Variants in DCDC1 observed in about 807,000 individuals in gnomAD.
DCDC1 encodes doublecortin domain-containing protein 1.
A neutral mutation model predicts 178.3 loss-of-function variants in DCDC1; 200 were observed. The observed-to-expected ratio is 1.12, with a 90% CI of 1.00 to 1.26. The LOEUF is 1.26. Among genes scored for constraint, DCDC1 ranks in the 50% most tolerant of loss-of-function variants. The pLI, the probability that DCDC1 is intolerant of heterozygous loss-of-function variation, is 0.00. For missense variants in DCDC1, 1,983 were observed against 1,749.2 expected (o/e 1.13, Z -2.38); for synonymous variants, 690 against 604.8 (o/e 1.14, Z -2.07).
intron 21 of DCDC1, among the ~76,000 whole-genome samples, chr11:30,937,331 T>C (rs1229286842): frequency 6.6e-6 from 1 of 152,096 alleles, no homozygotes; most frequent in Non-Finnish European, 1.5e-5. Context: ...TTTTTCTCCC[T>C]CAGGTCCCAC....
intron 13 of DCDC1, among the ~76,000 whole-genome samples, chr11:31,104,430 C>A (rs1005509626): frequency 1.3e-5 from 2 of 152,000 alleles, no homozygotes; most frequent in African/African-American, 4.8e-5. Flanking sequence ...AACACTCAGA[C>A]AAACCCAGAA....
intron 17 of DCDC1, among the ~76,000 whole-genome samples, chr11:31,088,190 T>G (rs1478141568): frequency 6.6e-6 from 1 of 152,062 alleles, no homozygotes; most frequent in Non-Finnish European, 1.5e-5. Flanking sequence ...ACTTTCAACA[T>G]ATTTGTTTCT....
chr11:31,307,754 T>C lies in DCDC1; in HGVS notation c.319A>G (p.Ser107Gly), dbSNP rs757722130. The C allele has an allele frequency of 1.2e-6, 2 of 1,614,014 alleles. No individual in the cohort carries two copies. The highest frequency in any genetic ancestry group is 1.7e-6 in the Non-Finnish European group (2 of 1,180,002). The change falls in exon 4 of 39, where the codon AGC becomes GGC. Residue 107 changes from serine (S) to glycine (G), a missense_variant. Ser to Gly is a moderately conservative substitution (Grantham distance 56). Coordinates refer to ENST00000684477, the MANE Select transcript of DCDC1 (RefSeq NM_001387274.1). ...TCTAGGTCTGATATTTCATCATGGC[T>C]GTGATCTGATGCTGTTTGATGTGTG... ...CSTHQTASDH[S>G]HDEISDLDSY...
At chr11:31,150,442 A>G (rs1965040025) in intron 9 of DCDC1, among the ~76,000 whole-genome samples, 1 of 152,202 alleles carries the variant, frequency 6.6e-6, no homozygotes, top group African/African-American at 2.4e-5. Context: ...TTAAATATGG[A>G]TCAGTATATA....
rs202173403 is a variant in DCDC1 at position 31,273,951 on chromosome 11, GACTA to G, written c.961-8355_961-8352del. Among the ~76,000 whole-genome samples, 1,140 of 152,182 alleles carry G rather than the reference GACTA, an allele frequency of 7.5e-3. 15 individuals carry two copies. Among genetic ancestry groups the G allele is most frequent in the African/African-American group, 0.024 (1,008 of 41,506 alleles). The stretch of plus-strand genomic sequence containing the variant: ...CTTATAAAACCATCAGATCGCATGA[GACTA>G]ACTATCATGAGAACAGCATGTGAAA... On this transcript the variant is annotated intron_variant, in intron 7 of 38. Coordinates refer to ENST00000684477, the MANE Select transcript of DCDC1 (RefSeq NM_001387274.1).
intron 24 of DCDC1, among the ~76,000 whole-genome samples, chr11:30,921,150 C>T (rs1946225635): frequency 1.3e-5 from 2 of 152,074 alleles, no homozygotes; most frequent in South Asian, 4.2e-4. Context: ...ATTGGTCTTT[C>T]CAAAGATCAG....
chr11:31,248,459 G>A (rs1173843683), intron 8 of DCDC1, among the ~76,000 whole-genome samples: 7 of 152,012 alleles, frequency 4.6e-5, no homozygotes, highest in Non-Finnish European at 1.0e-4. Flanking sequence ...GTCTAAAGAT[G>A]TAGTTAACCT....
At chr11:31,025,740 A>G (rs914304606) in intron 20 of DCDC1, among the ~76,000 whole-genome samples, 1 of 151,868 alleles carries the variant, frequency 6.6e-6, no homozygotes, top group Non-Finnish European at 1.5e-5. Flanking sequence ...GGTCATAAAA[A>G]TGAAAAGTTA....
chr11:30,925,876 T>G (rs1236470649), intron 22 of DCDC1, among the ~76,000 whole-genome samples: 1 of 152,156 alleles, frequency 6.6e-6, no homozygotes, highest in Non-Finnish European at 1.5e-5. Context: ...TGTCACCAAG[T>G]TCCTCAGCTC....
chr11:31,064,711 C>A, intron 19 of DCDC1, 85 bp from the exon 20 acceptor site: 1 of 699,474 alleles, frequency 1.4e-6, no homozygotes, highest in African/African-American at 1.7e-5. Flanking sequence ...TATAACACTG[C>A]AGTTTTCATG....
At chr11:31,145,466 C>G (rs1367369114) in intron 9 of DCDC1, among the ~76,000 whole-genome samples, 1 of 152,160 alleles carries the variant, frequency 6.6e-6, no homozygotes, top group Non-Finnish European at 1.5e-5. Flanking sequence ...CCAGCTTAAG[C>G]GACATTCACA....
chr11:30,901,113 C>T (rs1194248246), intron 32 of DCDC1, among the ~76,000 whole-genome samples: 1 of 152,088 alleles, frequency 6.6e-6, no homozygotes, highest in Non-Finnish European at 1.5e-5. Flanking sequence ...TTTCCAGCTT[C>T]ATATGGCCCA....
chr11:31,051,374 G>T (rs1439722893), intron 20 of DCDC1, among the ~76,000 whole-genome samples: 1 of 152,134 alleles, frequency 6.6e-6, no homozygotes, highest in Non-Finnish European at 1.5e-5. Flanking sequence ...AGGAAGAAGA[G>T]AATTACAAAA....
chr11:31,184,350 G>C (rs1969211987), intron 9 of DCDC1, among the ~76,000 whole-genome samples: 1 of 152,046 alleles, frequency 6.6e-6, no homozygotes, highest in African/African-American at 2.4e-5. Context: ...AGAAAACCTA[G>C]GCAATACCAT....
chr11:30,902,113 T>C (rs1944724184), intron 32 of DCDC1, among the ~76,000 whole-genome samples: 2 of 152,156 alleles, frequency 1.3e-5, no homozygotes, highest in Admixed American at 6.5e-5. Flanking sequence ...ATGGTTTGAA[T>C]GTGTGCTTTC....
chr11:31,130,167 A>T (rs1962243110), intron 10 of DCDC1, among the ~76,000 whole-genome samples: 4 of 152,072 alleles, frequency 2.6e-5, no homozygotes, highest in Admixed American at 6.6e-5. Flanking sequence ...CCTCTCTTAT[A>T]TCCAAGTCCA....
intron 38 of DCDC1, among the ~76,000 whole-genome samples, chr11:30,869,888 G>A (rs1941373733): frequency 6.6e-6 from 1 of 152,130 alleles, no homozygotes; most frequent in Non-Finnish European, 1.5e-5. Context: ...CTCTTTAAGT[G>A]AGGAAGTGAC....
chr11:30,873,338 TATATAC>T (rs144122302), intron 38 of DCDC1, among the ~76,000 whole-genome samples: 282 of 135,592 alleles, frequency 2.1e-3, no homozygotes, highest in Middle Eastern at 7.2e-3. Flanking sequence ...AATGTGTGTG[TATATAC>T]ATATATATAT....
chr11:31,194,586 T>G (rs1351141334), intron 9 of DCDC1, among the ~76,000 whole-genome samples: 1 of 152,088 alleles, frequency 6.6e-6, no homozygotes, highest in Non-Finnish European at 1.5e-5. Flanking sequence ...ATTATGAGCC[T>G]TCTTTGTATA....
Sources: gnomAD v4.1 joint callset for allele counts (sites outside exome capture counted in the v4.1 genomes callset) on GRCh38, gnomAD v4.1.1 for gene constraint, MANE v1.5 for transcripts, NCBI Gene and HGNC (gene_info 2026-07-23, HGNC 2026-07-21) for gene names.